EFR3B: variants seen among roughly 807,000 people sequenced by gnomAD.
EFR3B encodes the protein EFR3 homolog B.
A neutral mutation model predicts 104.7 loss-of-function variants in EFR3B; 64 were observed. The observed-to-expected ratio is 0.61, with a 90% CI of 0.50 to 0.75. EFR3B has a LOEUF of 0.75. EFR3B is among the 30% of genes least tolerant of loss of function. The probability of loss-of-function intolerance (pLI) is 0.00; values close to 1 mark genes in which losing one functional copy is unlikely to be tolerated. For synonymous variants in EFR3B, 385 were observed against 417.9 expected (o/e 0.92, Z 0.96); for missense variants, 750 against 1,078.5 (o/e 0.70, Z 4.27).
chr2:25,103,615 C>T (rs942431859), intron 3 of EFR3B, 22 bp from the exon 4 acceptor site: 77 of 1,542,850 alleles, frequency 5.0e-5, no homozygotes, highest in African/African-American at 4.0e-4. Flanking sequence ...CGGCCAGTGA[C>T]GGCATGTGCT....
intron 19 of EFR3B, 22 bp from the exon 20 acceptor site, chr2:25,149,672 A>C: frequency 2.6e-6 from 4 of 1,551,192 alleles, no homozygotes; most frequent in Non-Finnish European, 3.5e-6. Flanking sequence ...CTTTCTGAGC[A>C]TCTCTGTCCC....
rs568191716 is a variant in EFR3B at position 25,054,080 on chromosome 2, T to G, written c.7+11761T>G. Reference sequence around the variant, plus strand: ...CAGCAAAGCTGTGCAGTCCATGGGTTAGGCTGGAATTGATGGACACGTGGT... The same window carrying G: ...CAGCAAAGCTGTGCAGTCCATGGGTGAGGCTGGAATTGATGGACACGTGGT... On this transcript the variant is annotated intron_variant, in intron 1 of 22. Transcript: ENST00000403714. Among the ~76,000 whole-genome samples the G allele has an allele frequency of 3.3e-5, 5 of 152,308 alleles. No individual in the cohort carries two copies. The East Asian group carries it at 9.6e-4, about 29-fold the overall frequency.
Position 25,131,600 on chromosome 2 carries a change from C to A in EFR3B, c.985+97C>A. 1 of 1,509,536 alleles carries A rather than the reference C, an allele frequency of 6.6e-7. No individual in the cohort carries two copies. The highest frequency in any genetic ancestry group is 1.3e-5 in the South Asian group (1 of 78,924). The allele number at this position is 1,509,536 out of a possible 1,614,324, so 93.5% of individuals were successfully genotyped here. A position where few individuals can be genotyped will look rare whatever the true frequency, so the allele number is the denominator to read the frequency against. ...GGGACAACAGGGAGGGGTCGGAGTCCGTTTTCCTCGGGAGAAGTCCGCCAG... is the reference window on the plus strand; with the variant it reads ...GGGACAACAGGGAGGGGTCGGAGTCAGTTTTCCTCGGGAGAAGTCCGCCAG... On this transcript the variant is annotated intron_variant, in intron 9 of 22. Coordinates refer to ENST00000403714, the MANE Select transcript of EFR3B (RefSeq NM_014971.2). This position sits in a 1 kb window ranked among gnomAD's most constrained non-coding sequence, Gnocchi z 7.6.
chr2:25,047,760 A>G (rs568997637), intron 1 of EFR3B, among the ~76,000 whole-genome samples: 1 of 152,264 alleles, frequency 6.6e-6, no homozygotes, highest in East Asian at 1.9e-4. Flanking sequence ...TTGGCCTCCC[A>G]AAGTGCTGGG....
At chr2:25,144,884 G>A in intron 18 of EFR3B, 76 bp from the exon 19 acceptor site, 5 of 1,291,274 alleles carry the variant, frequency 3.9e-6, no homozygotes, top group Non-Finnish European at 5.4e-6. Flanking sequence ...CAGAGGGGTA[G>A]GGAGGTGGGA....
At chr2:25,099,404 T>C (rs1212236061) in intron 3 of EFR3B, among the ~76,000 whole-genome samples, 1 of 152,064 alleles carries the variant, frequency 6.6e-6, no homozygotes, top group Non-Finnish European at 1.5e-5. Context: ...GCCTTTGTAT[T>C]TGAAAGACAT....
intron 1 of EFR3B, among the ~76,000 whole-genome samples, chr2:25,073,609 G>C (rs1668553910): frequency 6.6e-6 from 1 of 151,904 alleles, no homozygotes. Flanking sequence ...CACCTGCCTC[G>C]GTCTCCCAAA....
At chr2:25,047,020 G>A (rs1025355077) in intron 1 of EFR3B, among the ~76,000 whole-genome samples, 1 of 152,172 alleles carries the variant, frequency 6.6e-6, no homozygotes, top group African/African-American at 2.4e-5. Context: ...TATTCCCCTT[G>A]AGAAGGGGGC....
chr2:25,090,704 G>A (rs946829497), intron 1 of EFR3B, among the ~76,000 whole-genome samples: 1 of 152,190 alleles, frequency 6.6e-6, no homozygotes, highest in Non-Finnish European at 1.5e-5. Flanking sequence ...AATGTGAATC[G>A]TTGATGATGA....
chr2:25,111,966 G>A (rs1669735116), intron 4 of EFR3B, among the ~76,000 whole-genome samples: 1 of 152,226 alleles, frequency 6.6e-6, no homozygotes, highest in Non-Finnish European at 1.5e-5. Flanking sequence ...CTAAATTGTG[G>A]TAACTTGTTA....
At chr2:25,106,722 C>T (rs1421547929) in intron 4 of EFR3B, among the ~76,000 whole-genome samples, 1 of 151,870 alleles carries the variant, frequency 6.6e-6, no homozygotes, top group Non-Finnish European at 1.5e-5. Flanking sequence ...GGATTACAGG[C>T]ATGAGCTACA....
In EFR3B at chr2:25,086,346, T is replaced by C. The variant is rs575077743; in HGVS notation, c.8-4979T>C. 6.6e-5 allele frequency among the ~76,000 whole-genome samples: 10 copies of C among 152,358 alleles called. No homozygotes were observed. The South Asian group carries it at 2.1e-3, about 32-fold the overall frequency. ...TTTTTTAAGAAGCTGCCAAACTGTC[T>C]TCCAAAGTGGCTGTACCAGTTTGCA... On this transcript the variant is annotated intron_variant, in intron 1 of 22. Coordinates refer to ENST00000403714, the MANE Select transcript of EFR3B (RefSeq NM_014971.2).
intron 1 of EFR3B, among the ~76,000 whole-genome samples, chr2:25,049,400 GCTATGTATGATA>G (rs1667806160): frequency 6.6e-6 from 1 of 152,168 alleles, no homozygotes; most frequent in African/African-American, 2.4e-5. Context: ...TGGAGTAGCA[GCTATGTATGATA>G]CTACAGAGGC....
chr2:25,051,236 C>T (rs1470695963), intron 1 of EFR3B, among the ~76,000 whole-genome samples: 1 of 152,046 alleles, frequency 6.6e-6, no homozygotes, highest in African/African-American at 2.4e-5. Flanking sequence ...CTCAGCCTCC[C>T]GAGTAGCTAG....
intron 10 of EFR3B, among the ~76,000 whole-genome samples, chr2:25,132,628 T>A (rs1173046927): frequency 1.5e-5 from 2 of 130,658 alleles, no homozygotes; most frequent in African/African-American, 5.7e-5. Context: ...GGGCCCAGCA[T>A]TCACCATCCC....
At chr2:25,112,508 G>A (rs1377470708) in intron 4 of EFR3B, among the ~76,000 whole-genome samples, 1 of 152,266 alleles carries the variant, frequency 6.6e-6, no homozygotes, top group Non-Finnish European at 1.5e-5. Flanking sequence ...TGGTAGTCAG[G>A]AGGTTGGCAG....
At position 25,128,251 on chromosome 2, in the gene EFR3B, C is replaced by T. The variant is rs1462592799; in HGVS notation, c.554C>T (p.Ala185Val). ...VRKTVNDELQ[A>V]NIWDPQHMDK... ...AAGACGGTGAATGATGAACTGCAGG[C>T]CAATATCTGGGACCCACAGCACATG... The change falls in exon 6 of 23, where the codon GCC (alanine) becomes GTC (valine). Residue 185 changes from alanine (A) to valine (V), a missense_variant. Coordinates refer to ENST00000403714, the MANE Select transcript of EFR3B (RefSeq NM_014971.2). The T allele has an allele frequency of 1.9e-6, 3 of 1,551,660 alleles. No individual in the cohort carries two copies. The highest frequency in any genetic ancestry group is 2.6e-6 in the Non-Finnish European group (3 of 1,147,016).
At position 25,136,743 on chromosome 2, in the gene EFR3B, C is replaced by T. The variant is rs936379314; in HGVS notation, c.1560+145C>T. ...CCAGCCAGACCAACATGGTAAAATC[C>T]CATCTTTACTAAAGCTACAAAAATT... On this transcript the variant is annotated intron_variant, in intron 14 of 22. Coordinates refer to ENST00000403714, the MANE Select transcript of EFR3B (RefSeq NM_014971.2). This position sits in a 1 kb window ranked among gnomAD's most constrained non-coding sequence, Gnocchi z 4.0. 1.5e-6 allele frequency: 1 copy of T among 668,822 alleles called. No homozygotes were observed. The highest frequency in any genetic ancestry group is 2.5e-6 in the Non-Finnish European group (1 of 393,290). 41.4% of individuals were successfully genotyped at this position (668,822 alleles called of 1,614,324 possible).
intron 1 of EFR3B, chr2:25,081,216 G>A: frequency 1.1e-6 from 1 of 887,874 alleles, no homozygotes; most frequent in Non-Finnish European, 1.8e-6. Context: ...AACAGCTTTT[G>A]CTTCTTCTGG....
Sources: gnomAD v4.1 joint callset for allele counts (sites outside exome capture counted in the v4.1 genomes callset) on GRCh38, gnomAD v4.1.1 for gene constraint, Gnocchi (gnomAD v3.1) non-coding constraint, MANE v1.5 for transcripts, NCBI Gene and HGNC (gene_info 2026-07-23, HGNC 2026-07-21) for gene names.